Variants in ABL1 observed in about 807,000 individuals in gnomAD.
The protein encoded by ABL1 is tyrosine-protein kinase ABL1.
In ABL1, 11 loss-of-function variants were observed where a neutral mutation model predicts 94.7. The ratio of observed to expected loss-of-function variants is 0.12; its 90% CI spans 0.07 to 0.19. The LOEUF (loss-of-function observed/expected upper bound fraction) is 0.19, where lower values mean the gene tolerates loss of function less well. Among genes scored for constraint, ABL1 ranks in the 10% least tolerant of loss-of-function variants. ABL1 has a pLI of 1.00. For synonymous variants in ABL1, 656 were observed against 622.4 expected, an observed-to-expected ratio of 1.05 and a Z score of -0.80; for missense variants, 1,082 against 1,489.4, an observed-to-expected ratio of 0.73 and a Z score of 4.50.
At chr9:130,839,689 A>G (rs933359266) in intron 1 of ABL1, among the ~76,000 whole-genome samples, 1 of 152,174 alleles carries the variant, frequency 6.6e-6, no homozygotes, top group African/African-American at 2.4e-5. Flanking sequence ...AGACAGAGAG[A>G]CCAATCTCTG....
intron 1 of ABL1, among the ~76,000 whole-genome samples, chr9:130,836,160 G>T (rs1199598628): frequency 1.3e-5 from 2 of 152,192 alleles, no homozygotes; most frequent in Non-Finnish European, 2.9e-5. Context: ...TCTCTTTTCA[G>T]GGGAGGGGAG....
chr9:130,875,112 C>T, intron 7 of ABL1, 60 bp downstream of exon 7: 1 of 1,485,638 alleles, frequency 6.7e-7, no homozygotes, highest in Non-Finnish European at 9.2e-7. Flanking sequence ...TTTTTTCTGC[C>T]TCTTTCTTGC....
chr9:130,739,453 T>C (rs867037485), intron 1 of ABL1, among the ~76,000 whole-genome samples: 1 of 101,308 alleles, frequency 9.9e-6, no homozygotes, highest in Non-Finnish European at 2.7e-5. Flanking sequence ...GTAAAAAAAA[T>C]TTTTAAGCTT....
intron 1 of ABL1, among the ~76,000 whole-genome samples, chr9:130,733,798 G>C (rs1831698701): frequency 6.6e-6 from 1 of 151,906 alleles, no homozygotes; most frequent in Non-Finnish European, 1.5e-5. Flanking sequence ...CACCATGTTA[G>C]CCAGGATGGT....
At chr9:130,753,422 C>CTTTTTTTTTTTTTTTTTTT (rs71389347) in intron 1 of ABL1, among the ~76,000 whole-genome samples, 7 of 90,332 alleles carry the variant, frequency 7.7e-5, no homozygotes, top group East Asian at 4.1e-4. Flanking sequence ...TTTTTCTTTT[C>CTTTTTTTTTTTTTTTTTTT]TTTTTTTTTT....
At chr9:130,835,047 A>C (rs1830542542), upstream of ABL1, 5 of 306,428 alleles carry the variant, frequency 1.6e-5, no homozygotes, top group Non-Finnish European at 2.6e-5. This position sits in a 1 kb window ranked among gnomAD's most constrained non-coding sequence, Gnocchi z 4.6. Context: ...GCGGAGAAAG[A>C]CCTCCGCGGG....
At chr9:130,741,473 T>C (rs967510766) in intron 1 of ABL1, among the ~76,000 whole-genome samples, 2 of 144,180 alleles carry the variant, frequency 1.4e-5, no homozygotes, top group African/African-American at 5.2e-5. Context: ...GTAACAATTA[T>C]AGCACTGGTA....
At chr9:130,728,543 G>T (rs1435318883) in intron 1 of ABL1, among the ~76,000 whole-genome samples, 1 of 151,200 alleles carries the variant, frequency 6.6e-6, no homozygotes. Context: ...CTGCCACCAC[G>T]CCCGGCTAAT....
intron 1 of ABL1, among the ~76,000 whole-genome samples, chr9:130,788,982 G>A (rs1425118997): frequency 7.9e-5 from 12 of 151,932 alleles, no homozygotes; most frequent in East Asian, 3.9e-4. Context: ...TTTGCTTTTC[G>A]GTTTTTGTTT....
intron 1 of ABL1, among the ~76,000 whole-genome samples, chr9:130,735,329 C>T (rs927129727): frequency 3.3e-5 from 5 of 152,128 alleles, no homozygotes; most frequent in African/African-American, 1.2e-4. Context: ...TGTGCTAGGC[C>T]TAAATTGAAC....
chr9:130,821,837 A>ATT (rs1246054498), intron 1 of ABL1, among the ~76,000 whole-genome samples: 13 of 12,906 alleles, frequency 1.0e-3, no homozygotes, highest in African/African-American at 4.8e-3. Flanking sequence ...TATTATTATT[A>ATT]TTATTTTTTT....
intron 1 of ABL1, among the ~76,000 whole-genome samples, chr9:130,845,498 C>T (rs118126981): frequency 0.02 from 3,080 of 152,116 alleles, 45 homozygotes; most frequent in Non-Finnish European, 0.03. Context: ...TGCACCACCA[C>T]GCCCAGCTAA....
chr9:130,771,752 C>CTTTCTTTCTTTCTTT (rs530081755), intron 1 of ABL1, among the ~76,000 whole-genome samples: 1 of 106,924 alleles, frequency 9.4e-6, no homozygotes, highest in Non-Finnish European at 1.9e-5. Flanking sequence ...TTCTTTCTTT[C>CTTTCTTTCTTTCTTT]TTTTTTTTTT....
chr9:130,786,296 A>G (rs995320297), intron 1 of ABL1, among the ~76,000 whole-genome samples: 3 of 152,122 alleles, frequency 2.0e-5, no homozygotes, highest in African/African-American at 7.2e-5. Context: ...TAGGAGAAAT[A>G]TTGGCTCTGT....
intron 1 of ABL1, among the ~76,000 whole-genome samples, chr9:130,734,045 C>G (rs548470193): frequency 6.6e-6 from 1 of 152,162 alleles, no homozygotes; most frequent in Non-Finnish European, 1.5e-5. Context: ...AATCAAGTGT[C>G]TCTTGACAGC....
rs577347462 is a variant in ABL1 at position 130,856,294 on chromosome 9, G to T, written c.549+1198G>T. 1.9e-3 allele frequency among the ~76,000 whole-genome samples: 288 copies of T among 152,146 alleles called. 1 individual carries two copies. Among genetic ancestry groups the T allele is most frequent in the Non-Finnish European group, 3.0e-3 (204 of 67,996 alleles). On this transcript the variant is annotated intron_variant, in intron 3 of 10. Transcript: ENST00000318560. ...GTAGAGACAGGGTTTCACCATGTTG[G>T]TCAGGCTGGTCTCAAACTCCTGACC... is the stretch of plus-strand genomic sequence containing the variant.
intron 1 of ABL1, among the ~76,000 whole-genome samples, chr9:130,781,317 A>T (rs1057104552): frequency 1.3e-5 from 2 of 152,180 alleles, no homozygotes; most frequent in Non-Finnish European, 2.9e-5. Flanking sequence ...TTGGGAGGGC[A>T]CTGGTACAGT....
intron 1 of ABL1, among the ~76,000 whole-genome samples, chr9:130,773,092 G>A (rs1832271737): frequency 6.6e-6 from 1 of 152,152 alleles, no homozygotes; most frequent in African/African-American, 2.4e-5. Flanking sequence ...AGGCCAAGGC[G>A]GGTGGATCAC....
At chr9:130,714,898 T>TTC (rs774733425) in intron 1 of ABL1, among the ~76,000 whole-genome samples, 2 of 152,204 alleles carry the variant, frequency 1.3e-5, no homozygotes. Flanking sequence ...CCTGAGAAAG[T>TTC]TAAGAATCAT....
Sources: gnomAD v4.1 joint callset for allele counts (sites outside exome capture counted in the v4.1 genomes callset) on GRCh38, gnomAD v4.1.1 for gene constraint, Gnocchi (gnomAD v3.1) non-coding constraint, MANE v1.5 for transcripts, NCBI Gene and HGNC (gene_info 2026-07-23, HGNC 2026-07-21) for gene names.